ITPR2: variants seen among roughly 807,000 people sequenced by gnomAD.
The protein encoded by ITPR2 is inositol 1,4,5-trisphosphate-gated calcium channel ITPR2.
Under a neutral mutation model 317.1 loss-of-function variants are expected in ITPR2, and 207 were observed. That is an observed-to-expected ratio of 0.65 (90% CI 0.58 to 0.73). ITPR2 has a LOEUF of 0.73. Among genes scored for constraint, ITPR2 ranks in the 30% least tolerant of loss-of-function variants. ITPR2 has a pLI of 0.00. For synonymous variants in ITPR2, 1,156 were observed against 1,149.1 expected, an observed-to-expected ratio of 1.01 and a Z score of -0.12; for missense variants, 2,613 against 3,284.0, an observed-to-expected ratio of 0.80 and a Z score of 4.99.
At chr12:26,408,695 G>C (rs1360150323) in intron 52 of ITPR2, among the ~76,000 whole-genome samples, 2 of 152,114 alleles carry the variant, frequency 1.3e-5, no homozygotes, top group Non-Finnish European at 2.9e-5. Context: ...ACAAGTACTA[G>C]CTTTGTTGCT....
intron 7 of ITPR2, 61 bp from the exon 8 acceptor site, chr12:26,715,506 G>T: frequency 6.7e-7 from 1 of 1,489,844 alleles, no homozygotes; most frequent in Non-Finnish European, 9.1e-7. Flanking sequence ...GTCTCTTTCT[G>T]GTTTTGCTAC....
intron 1 of ITPR2, among the ~76,000 whole-genome samples, chr12:26,832,437 A>G (rs1469829991): frequency 6.6e-6 from 1 of 152,250 alleles, no homozygotes; most frequent in East Asian, 1.9e-4. Flanking sequence ...CGGGCTTCTG[A>G]ATCACTTCCT....
At chr12:26,722,679 G>C in intron 4 of ITPR2, 124 bp from the exon 5 acceptor site, 1 of 690,166 alleles carries the variant, frequency 1.4e-6, no homozygotes, top group South Asian at 2.9e-5. Flanking sequence ...TTAAACAAAG[G>C]AGTATTTTCA....
intron 54 of ITPR2, among the ~76,000 whole-genome samples, chr12:26,388,093 C>A (rs947594522): frequency 5.3e-5 from 8 of 152,214 alleles, no homozygotes; most frequent in African/African-American, 1.9e-4. Context: ...GCCGTCCACA[C>A]GCTGAGGACA....
chr12:26,586,586 T>C (rs1310117864), intron 32 of ITPR2, among the ~76,000 whole-genome samples: 2 of 152,230 alleles, frequency 1.3e-5, no homozygotes, highest in East Asian at 3.8e-4. Context: ...TTCAGGTTTT[T>C]TTCTATTTAG....
chr12:26,645,918 G>A (rs1342008717), intron 21 of ITPR2, among the ~76,000 whole-genome samples: 1 of 149,808 alleles, frequency 6.7e-6, no homozygotes, highest in African/African-American at 2.5e-5. Flanking sequence ...ACTTTTTCAT[G>A]GTCTCACCTC....
At chr12:26,750,160 C>T (rs974476219) in intron 2 of ITPR2, among the ~76,000 whole-genome samples, 1 of 152,208 alleles carries the variant, frequency 6.6e-6, no homozygotes, top group African/African-American at 2.4e-5. Context: ...CACCATGATG[C>T]TGAGCCTCAG....
In ITPR2 at chr12:26,428,043, G is replaced by A. The variant is rs754109103; in HGVS notation, c.6815C>T (p.Ala2272Val). Residue 2272 changes from alanine to valine, a missense_variant, in exon 49 of 57, where the codon GCG (alanine) becomes GTG (valine). Physicochemically the swap from Ala to Val is moderately conservative, Grantham distance 64. Coordinates refer to ENST00000381340, the MANE Select transcript of ITPR2 (RefSeq NM_002223.4). The part of the protein sequence containing the change: ...LFSVLLWIAV[A>V]ICTSMLFFFS... ...GAAAAACAGCATAGATGTGCAGATC[G>A]CAACTGCTATCCAAAGAAGAACCGA... 20 of 1,610,230 alleles carry A rather than the reference G, an allele frequency of 1.2e-5. No homozygotes were observed. The highest frequency in any genetic ancestry group is 5.4e-5 in the African/African-American group (4 of 74,676).
chr12:26,600,030 T>C lies in ITPR2; in HGVS notation c.3758A>G (p.Gln1253Arg). 3 of 1,607,104 alleles carry C rather than the reference T, an allele frequency of 1.9e-6. No individual in the cohort carries two copies. Among genetic ancestry groups the C allele is most frequent in the Non-Finnish European group, 2.6e-6 (3 of 1,173,920 alleles). The change falls in exon 29 of 57, where the codon CAA becomes CGA. Residue 1253 changes from glutamine to arginine, a missense_variant. Around this residue, in one of 9 missense-constraint regions of ITPR2, gnomAD observed 817 missense variants for 897.6 expected, o/e 0.91. Coordinates refer to ENST00000381340, the MANE Select transcript of ITPR2 (RefSeq NM_002223.4). ...ATTCAGATGTTTATGAAGAAGAACT[T>C]GATTCTGTGGATTTCCTCGACAGAA... ...QNFCRGNPQN[Q>R]VLLHKHLNLF...
intron 26 of ITPR2, among the ~76,000 whole-genome samples, chr12:26,608,848 T>A (rs556242531): frequency 2.6e-5 from 4 of 151,416 alleles, no homozygotes; most frequent in African/African-American, 9.7e-5. Flanking sequence ...TCCCAGAAAT[T>A]TTCTGATGTA....
chr12:26,429,543 C>T (rs1941150901), intron 48 of ITPR2, among the ~76,000 whole-genome samples: 1 of 152,166 alleles, frequency 6.6e-6, no homozygotes, highest in African/African-American at 2.4e-5. Context: ...CCTCACAGAT[C>T]TCAAAGAGCC....
At position 26,627,929 on chromosome 12, in the gene ITPR2, T is replaced by A; in HGVS notation, c.3064+104A>T. The A allele has an allele frequency of 4.5e-6, 5 of 1,118,724 alleles. No individual in the cohort carries two copies. The East Asian group carries it at 1.0e-4, about 23-fold the overall frequency. The allele number at this position is 1,118,724 out of a possible 1,614,324, so 69.3% of individuals were successfully genotyped here. A position where few individuals can be genotyped will look rare whatever the true frequency, so the allele number is the denominator to read the frequency against. On this transcript the variant is annotated intron_variant, in intron 23 of 56. Transcript: ENST00000381340. The stretch of plus-strand genomic sequence containing the variant: ...CAGAACTTAAAGTATAATAAAAAAA[T>A]TTAAAAAGCACAAAAAATATAATTA...
At chr12:26,563,141 G>A (rs1039765016) in intron 34 of ITPR2, among the ~76,000 whole-genome samples, 1 of 152,198 alleles carries the variant, frequency 6.6e-6, no homozygotes, top group Non-Finnish European at 1.5e-5. Flanking sequence ...TTACCTGGAG[G>A]ACAAAGTCAG....
intron 18 of ITPR2, among the ~76,000 whole-genome samples, chr12:26,656,810 A>G (rs1490536739): frequency 2.0e-5 from 3 of 152,178 alleles, no homozygotes; most frequent in Admixed American, 2.0e-4. Flanking sequence ...TAGGCACTCC[A>G]TTCTGGGTTT....
At chr12:26,827,659 GATTT>G (rs1951028632) in intron 1 of ITPR2, among the ~76,000 whole-genome samples, 2 of 152,084 alleles carry the variant, frequency 1.3e-5, no homozygotes, top group Admixed American at 1.3e-4. Flanking sequence ...AATCAAACAA[GATTT>G]ATTTGCAAAT....
At chr12:26,714,686 T>C (rs1168703944) in intron 8 of ITPR2, among the ~76,000 whole-genome samples, 2 of 152,162 alleles carry the variant, frequency 1.3e-5, no homozygotes, top group South Asian at 4.1e-4. Flanking sequence ...GTAAATCTCT[T>C]GTTCATAGGC....
At chr12:26,479,144 GAAA>G (rs11322201) in intron 43 of ITPR2, among the ~76,000 whole-genome samples, 8,117 of 140,872 alleles carry the variant, frequency 0.058, 265 homozygotes, top group Middle Eastern at 0.14. Flanking sequence ...CATTCACTAA[GAAA>G]AAAAAAAAAA....
At chr12:26,565,694 T>G (rs967790845) in intron 34 of ITPR2, among the ~76,000 whole-genome samples, 3 of 151,560 alleles carry the variant, frequency 2.0e-5, no homozygotes, top group Admixed American at 1.3e-4. Context: ...CCTCAGCTAT[T>G]CAGGAGGCTG....
Position 26,467,085 on chromosome 12 carries a change from C to A in ITPR2, c.6342+8211G>T, listed in dbSNP as rs146349382. ...CTGCAAAGAGGTGAAGAGCATAAAT[C>A]TCTAAGGAAAACACTGTAAGTAGTC... is the stretch of plus-strand genomic sequence containing the variant. On this transcript the variant is annotated intron_variant, in intron 45 of 56. Transcript: ENST00000381340. 1.9e-3 allele frequency among the ~76,000 whole-genome samples: 290 copies of A among 152,270 alleles called. 1 individual carries two copies. The highest frequency in any genetic ancestry group is 6.5e-3 in the African/African-American group (271 of 41,574).
Sources: gnomAD v4.1 joint callset for allele counts (sites outside exome capture counted in the v4.1 genomes callset) on GRCh38, gnomAD v4.1.1 for gene constraint, gnomAD v4.1.1 regional missense constraint, MANE v1.5 for transcripts, NCBI Gene and HGNC (gene_info 2026-07-23, HGNC 2026-07-21) for gene names.